CBLC: variants seen among roughly 807,000 people sequenced by gnomAD.
CBLC encodes E3 ubiquitin-protein ligase CBL-C.
Under a neutral mutation model 58.6 loss-of-function variants are expected in CBLC, and 46 were observed. The observed-to-expected ratio is 0.79, with a 90% CI of 0.62 to 1.00. The LOEUF is 1.00. CBLC is among the 50% of genes least tolerant of loss of function. The pLI is 0.00. For synonymous variants in CBLC, 271 were observed against 264.2 expected (o/e 1.03, Z -0.25); for missense variants, 655 against 625.8 (o/e 1.05, Z -0.50).
intron 1 of CBLC, among the ~76,000 whole-genome samples, chr19:44,780,565 C>T (rs1223148785): frequency 6.6e-6 from 1 of 151,150 alleles, no homozygotes; most frequent in Non-Finnish European, 1.5e-5. Flanking sequence ...CTCTGCCTCC[C>T]GGGCTCCAGC....
chr19:44,789,579 C>T (rs1967992985), intron 5 of CBLC, among the ~76,000 whole-genome samples: 1 of 152,088 alleles, frequency 6.6e-6, no homozygotes, highest in Non-Finnish European at 1.5e-5. Flanking sequence ...TCAGTAGAGA[C>T]GGGGTTCCAC....
chr19:44,799,435 C>G (rs183122696), intron 9 of CBLC, among the ~76,000 whole-genome samples: 1 of 152,148 alleles, frequency 6.6e-6, no homozygotes, highest in African/African-American at 2.4e-5. Flanking sequence ...TGGGTTCAAA[C>G]GATTCTCCTG....
chr19:44,787,412 TA>T (rs1967938404), intron 5 of CBLC, among the ~76,000 whole-genome samples: 1 of 151,132 alleles, frequency 6.6e-6, no homozygotes, highest in Admixed American at 6.6e-5. Flanking sequence ...AAAATAAAAA[TA>T]AAATAAAGTC....
At chr19:44,794,067 T>G (rs1261651581) in intron 8 of CBLC, 137 bp from the exon 9 acceptor site, 17 of 1,434,418 alleles carry the variant, frequency 1.2e-5, no homozygotes, top group Non-Finnish European at 1.5e-5. Context: ...CTCCTAAGTG[T>G]TCATACGTTG....
intron 5 of CBLC, 79 bp downstream of exon 5, chr19:44,784,480 G>A: frequency 7.1e-7 from 1 of 1,403,538 alleles, no homozygotes; most frequent in Non-Finnish European, 9.6e-7. Flanking sequence ...ACTGCCGGTG[G>A]CCACCACGTT....
At position 44,781,031 on chromosome 19, in the gene CBLC, G is replaced by A; in HGVS notation, c.480G>A (p.Trp160Ter). 1 of 1,613,028 alleles carries A rather than the reference G, an allele frequency of 6.2e-7. No individual in the cohort carries two copies. The highest frequency in any genetic ancestry group is 8.5e-7 in the Non-Finnish European group (1 of 1,179,912). Reference sequence around the variant, plus strand: ...CCAAGGCCCCCGCCCACACCTTCTGGAGGGAAAGTTGCGGAGCCCGGTGAG... The same window carrying A: ...CCAAGGCCCCCGCCCACACCTTCTGAAGGGAAAGTTGCGGAGCCCGGTGAG... The part of the protein sequence containing the change: ...QLTKAPAHTF[W>*]RESCGARCVL... Residue 160 changes from tryptophan to a stop codon, truncating the protein, a stop_gained, in exon 2 of 11, where the codon TGG (tryptophan) becomes TGA (stop). Transcript: ENST00000647358. LOFTEE classifies it high-confidence loss of function.
chr19:44,783,800 CCT>C (rs1332563740), intron 4 of CBLC, among the ~76,000 whole-genome samples: 2 of 152,208 alleles, frequency 1.3e-5, no homozygotes, highest in African/African-American at 4.8e-5. Flanking sequence ...TCTCTGCTTT[CCT>C]CTGTTTGCTT....
In CBLC at chr19:44,777,942, C is replaced by G. The variant is rs772312798; in HGVS notation, c.11C>G (p.Ala4Gly). Residue 4 changes from alanine (A) to glycine (G), a missense_variant, in exon 1 of 11, where the codon GCG becomes GGG. This residue lies in a region of CBLC where 280 missense variants were observed against 237.2 expected (regional missense o/e 1.18). Coordinates refer to ENST00000647358, the MANE Select transcript of CBLC (RefSeq NM_012116.4). ...ACACGCGAGGCTCCCATGGCTCTGG[C>G]GGTGGCCCCGTGGGGGCGACAGTGG... The part of the protein sequence containing the change: MAL[A>G]VAPWGRQWEE... 9 of 1,591,744 alleles carry G rather than the reference C, an allele frequency of 5.7e-6. No homozygotes were observed. The South Asian group carries it at 1.0e-4, about 18-fold the overall frequency.
In CBLC at chr19:44,789,110, G is replaced by A. The variant is rs561328737; in HGVS notation, c.918-894G>A. Among the ~76,000 whole-genome samples, 5 of 152,292 alleles carry A rather than the reference G, an allele frequency of 3.3e-5. No individual in the cohort carries two copies. The East Asian group carries it at 9.7e-4, about 29-fold the overall frequency. On this transcript the variant is annotated intron_variant, in intron 5 of 10. Transcript: ENST00000647358. ...GAAATGATCCAGGGGGAGACCCAGG[G>A]AGCCCAGAGCTTGCTTCTCCGGTGT... is the stretch of plus-strand genomic sequence containing the variant.
At position 44,781,020 on chromosome 19, in the gene CBLC, C is replaced by A; in HGVS notation, c.469C>A (p.His157Asn). ...HMYQLTKAPA[H>N]TFWRESCGAR... ...GTACCAGCTCACCAAGGCCCCCGCC[C>A]ACACCTTCTGGAGGGAAAGTTGCGG... is the stretch of plus-strand genomic sequence containing the variant. Residue 157 changes from histidine to asparagine, a missense_variant, in exon 2 of 11, where the codon CAC (histidine) becomes AAC (asparagine). Coordinates refer to ENST00000647358, the MANE Select transcript of CBLC (RefSeq NM_012116.4). The A allele has an allele frequency of 6.2e-7, 1 of 1,613,342 alleles. No individual in the cohort carries two copies. The highest frequency in any genetic ancestry group is 8.5e-7 in the Non-Finnish European group (1 of 1,179,972).
At chr19:44,779,190 TGGGTAC>T (rs1342091749) in intron 1 of CBLC, among the ~76,000 whole-genome samples, 14 of 152,308 alleles carry the variant, frequency 9.2e-5, no homozygotes, top group Admixed American at 6.5e-4. Flanking sequence ...CTGGTCTGGC[TGGGTAC>T]GGTGGCTCAC....
At position 44,792,416 on chromosome 19, in the gene CBLC, A is replaced by C. The variant is rs748321868; in HGVS notation, c.1039A>C (p.Thr347Pro). The change falls in exon 7 of 11, where the codon ACA becomes CCA. Residue 347 changes from threonine (T) to proline (P), a missense_variant. Coordinates refer to ENST00000647358, the MANE Select transcript of CBLC (RefSeq NM_012116.4). Reference sequence around the variant, plus strand: ...GCAGCTCTACTGGGCCATGGACTCCACATTTGAGCTCTGCAAGATCTGTGC... The same window carrying C: ...GCAGCTCTACTGGGCCATGGACTCCCCATTTGAGCTCTGCAAGATCTGTGC... ...QLQLYWAMDS[T>P]FELCKICAES... The C allele has an allele frequency of 6.2e-7, 1 of 1,613,470 alleles. No individual in the cohort carries two copies. Among genetic ancestry groups the C allele is most frequent in the Non-Finnish European group, 8.5e-7 (1 of 1,179,912 alleles).
rs149984765 is a variant in CBLC, at chr19:44,783,995, C to T, written c.780-269C>T. On this transcript the variant is annotated intron_variant, in intron 4 of 10. Coordinates refer to ENST00000647358, the MANE Select transcript of CBLC (RefSeq NM_012116.4). ...GTCCTGAAATGCACTGATTGGCCACCCCAGCCTTGTTTAAACTCCAGTGAA... is the reference window on the plus strand; with the variant it reads ...GTCCTGAAATGCACTGATTGGCCACTCCAGCCTTGTTTAAACTCCAGTGAA... 1.5e-3 allele frequency among the ~76,000 whole-genome samples: 232 copies of T among 152,290 alleles called. 2 individuals carry two copies. Among genetic ancestry groups the T allele is most frequent in the African/African-American group, 5.2e-3 (216 of 41,552 alleles).
At position 44,778,256 on chromosome 19, in the gene CBLC, G is replaced by C. The variant is rs1196319108; in HGVS notation, c.325G>C (p.Glu109Gln). 16 of 1,447,432 alleles carry C rather than the reference G, an allele frequency of 1.1e-5. No homozygotes were observed. The South Asian group carries it at 1.3e-4, about 12-fold the overall frequency. 89.7% of individuals were successfully genotyped at this position (1,447,432 alleles called of 1,614,324 possible). The change falls in exon 1 of 11, where the codon GAG (glutamate) becomes CAG (glutamine). Residue 109 changes from glutamate (E) to glutamine (Q), a missense_variant. Physicochemically the swap from Glu to Gln is conservative, Grantham distance 29 (BLOSUM62 2). Around this residue, in one of 3 missense-constraint regions of CBLC, gnomAD observed 280 missense variants for 237.2 expected, o/e 1.18. Transcript: ENST00000647358. ...PPRGRRSAND[E>Q]LFRAGSRLRR... ...CCGGGGCCGAAGGAGTGCCAACGAC[G>C]AGCTCTTCCGGGCGGGCTCCAGACT...
At chr19:44,797,023 G>A (rs1968192955) in intron 9 of CBLC, among the ~76,000 whole-genome samples, 1 of 152,184 alleles carries the variant, frequency 6.6e-6, no homozygotes, top group Non-Finnish European at 1.5e-5. Context: ...AGAGGACAGT[G>A]ATGGGGGACA....
chr19:44,792,617 A>G (rs891187690), intron 7 of CBLC, 103 bp downstream of exon 7: 146 of 1,246,300 alleles, frequency 1.2e-4, no homozygotes, highest in Non-Finnish European at 1.6e-4. Context: ...GGGAAACCGA[A>G]GGCCAGAGAG....
In CBLC at chr19:44,778,125, C is replaced by A; in HGVS notation, c.194C>A (p.Ala65Asp). ...GAGGTGGCCCATTCTCGGCGGGCGG[C>A]CGGCGGAGGCGGCCCCGGGGGTCCC... ...LREVAHSRRA[A>D]GGGGPGGPGG... The change falls in exon 1 of 11, where the codon GCC (alanine) becomes GAC (aspartate). Residue 65 changes from alanine to aspartate, a missense_variant. Physicochemically the swap from Ala to Asp is moderately radical, Grantham distance 126. Around this residue, in one of 3 missense-constraint regions of CBLC, gnomAD observed 280 missense variants for 237.2 expected, o/e 1.18. Transcript: ENST00000647358. The A allele has an allele frequency of 6.3e-7, 1 of 1,597,000 alleles. No homozygotes were observed. The highest frequency in any genetic ancestry group is 2.3e-5 in the East Asian group (1 of 44,420).
intron 6 of CBLC, among the ~76,000 whole-genome samples, chr19:44,790,789 A>G (rs1968026714): frequency 6.6e-6 from 1 of 152,112 alleles, no homozygotes; most frequent in African/African-American, 2.4e-5. Context: ...ACATCCTTAT[A>G]CTTCAAATTG....
At chr19:44,785,525 CAGAT>C (rs1473618686) in intron 5 of CBLC, among the ~76,000 whole-genome samples, 23 of 123,740 alleles carry the variant, frequency 1.9e-4, no homozygotes, top group Non-Finnish European at 2.6e-4. Context: ...GCTAGATAGT[CAGAT>C]AGGTAGATAG....
Sources: allele counts gnomAD v4.1 joint callset (sites outside exome capture counted in the v4.1 genomes callset), GRCh38; gene constraint gnomAD v4.1.1; regional missense constraint gnomAD v4.1.1; transcripts MANE v1.5; gene names NCBI Gene and HGNC (gene_info 2026-07-23, HGNC 2026-07-21).